CADM2: variants seen among roughly 807,000 people sequenced by gnomAD.
CADM2 encodes immunoglobulin superfamily member 4D.
Under a neutral mutation model 49.8 loss-of-function variants are expected in CADM2, and 12 were observed. The observed-to-expected ratio is 0.24, with a 90% CI of 0.15 to 0.39. CADM2 has a LOEUF of 0.39. Among genes scored for constraint, CADM2 ranks in the 10% least tolerant of loss-of-function variants. The probability of loss-of-function intolerance (pLI) is 1.00; values close to 1 mark genes in which losing one functional copy is unlikely to be tolerated. For synonymous variants in CADM2, 214 were observed against 175.4 expected, an observed-to-expected ratio of 1.22 and a Z score of -1.74; for missense variants, 378 against 492.3, an observed-to-expected ratio of 0.77 and a Z score of 2.20.
At chr3:85,411,267 A>G (rs2035644395) in intron 1 of CADM2, among the ~76,000 whole-genome samples, 1 of 152,206 alleles carries the variant, frequency 6.6e-6, no homozygotes, top group African/African-American at 2.4e-5. Context: ...ACACAGGACT[A>G]GAGAAAGATG....
chr3:86,000,909 A>G (rs1416321200), intron 8 of CADM2, among the ~76,000 whole-genome samples: 2 of 152,156 alleles, frequency 1.3e-5, no homozygotes, highest in Non-Finnish European at 2.9e-5. Flanking sequence ...AAATAGAAAC[A>G]TAGAATTCTG....
chr3:85,096,798 C>T (rs1290131899), intron 1 of CADM2, among the ~76,000 whole-genome samples: 1 of 152,076 alleles, frequency 6.6e-6, no homozygotes, highest in Non-Finnish European at 1.5e-5. Context: ...GTATACTAAT[C>T]CATGACTCTA....
intron 1 of CADM2, among the ~76,000 whole-genome samples, chr3:85,581,304 A>G (rs2062789120): frequency 6.6e-6 from 1 of 152,084 alleles, no homozygotes; most frequent in Non-Finnish European, 1.5e-5. Context: ...ATCTATTTTG[A>G]GGAAGAAGCT....
intron 1 of CADM2, among the ~76,000 whole-genome samples, chr3:85,575,664 A>G (rs1339028615): frequency 3.3e-5 from 5 of 152,246 alleles, no homozygotes; most frequent in Non-Finnish European, 7.3e-5. Context: ...ATTATAGAAC[A>G]TGGCTTAATG....
At chr3:86,065,762 G>A (rs1373545433) in intron 9 of CADM2, 32 bp downstream of exon 9, 1 of 1,606,136 alleles carries the variant, frequency 6.2e-7, no homozygotes, top group Admixed American at 1.7e-5. Context: ...TACACAATGT[G>A]GGCAAAATAT....
chr3:85,741,044 A>G (rs539303324), intron 2 of CADM2, among the ~76,000 whole-genome samples: 18 of 152,264 alleles, frequency 1.2e-4, no homozygotes, highest in African/African-American at 3.1e-4. Context: ...CTGAAGCATC[A>G]ATTTACTGAG....
At chr3:85,216,351 T>C (rs568700643) in intron 1 of CADM2, among the ~76,000 whole-genome samples, 90 of 147,626 alleles carry the variant, frequency 6.1e-4, no homozygotes, top group Non-Finnish European at 1.0e-3. Context: ...TATATTATTA[T>C]ATTAATAGTA....
At chr3:84,979,055 T>G (rs900449419) in intron 1 of CADM2, among the ~76,000 whole-genome samples, 30 of 151,864 alleles carry the variant, frequency 2.0e-4, no homozygotes, top group Non-Finnish European at 4.4e-4. Context: ...ACTCAGAGGG[T>G]GTTAGGCTTG....
intron 1 of CADM2, among the ~76,000 whole-genome samples, chr3:85,094,718 G>C (rs1466184911): frequency 6.6e-6 from 1 of 152,000 alleles, no homozygotes; most frequent in East Asian, 1.9e-4. Flanking sequence ...TTTCTTTTTG[G>C]GAATTATAAT....
In CADM2 at chr3:85,123,139, C is replaced by T. The variant is rs72905284; in HGVS notation, c.61+163471C>T. Among the ~76,000 whole-genome samples the T allele has an allele frequency of 5.9e-3, 905 of 152,110 alleles. 13 individuals are homozygous for T. Among genetic ancestry groups the T allele is most frequent in the African/African-American group, 0.02 (841 of 41,524 alleles). ...TTCCCATGCTGTTTTTCCTCCCATG[C>T]TTTTTTCTTTTCCTCCTAGAAAAAT... On this transcript the variant is annotated intron_variant, in intron 1 of 9. Transcript: ENST00000383699.
intron 8 of CADM2, among the ~76,000 whole-genome samples, chr3:85,975,986 G>C (rs968054024): frequency 6.6e-6 from 1 of 151,456 alleles, no homozygotes; most frequent in African/African-American, 2.4e-5. Flanking sequence ...CTCTGACACT[G>C]CCATGTCATA....
chr3:85,199,939 G>A lies in CADM2; in HGVS notation c.61+240271G>A, dbSNP rs77729543. The stretch of plus-strand genomic sequence containing the variant: ...TTACTGTATCTTATCTGTGAAATTC[G>A]TGGGCAGGTTATGCAGTTAAAACTG... On this transcript the variant is annotated intron_variant, in intron 1 of 9. Transcript: ENST00000383699. Among the ~76,000 whole-genome samples, 610 of 152,106 alleles carry A rather than the reference G, an allele frequency of 4.0e-3. 4 individuals are homozygous for A. Among genetic ancestry groups the A allele is most frequent in the African/African-American group, 0.014 (591 of 41,546 alleles).
At chr3:85,127,880 A>G (rs995641647) in intron 1 of CADM2, among the ~76,000 whole-genome samples, 3 of 152,174 alleles carry the variant, frequency 2.0e-5, no homozygotes, top group Non-Finnish European at 4.4e-5. Flanking sequence ...ATGTGATCAA[A>G]TACAATCTAC....
At chr3:85,435,702 G>A (rs2036895465) in intron 1 of CADM2, among the ~76,000 whole-genome samples, 1 of 151,902 alleles carries the variant, frequency 6.6e-6, no homozygotes, top group African/African-American at 2.4e-5. Flanking sequence ...TTCCAGTGAT[G>A]GCCATTCTAA....
intron 1 of CADM2, among the ~76,000 whole-genome samples, chr3:85,087,993 C>T (rs544059387): frequency 6.6e-6 from 1 of 152,236 alleles, no homozygotes; most frequent in Non-Finnish European, 1.5e-5. Flanking sequence ...CTTCTCTGCA[C>T]ACCATGGTGT....
chr3:85,404,028 G>A (rs1454038708), intron 1 of CADM2, among the ~76,000 whole-genome samples: 2 of 152,080 alleles, frequency 1.3e-5, no homozygotes, highest in African/African-American at 4.8e-5. Context: ...TATATTATAT[G>A]TAGATATATG....
intron 1 of CADM2, among the ~76,000 whole-genome samples, chr3:85,524,071 A>T (rs188470280): frequency 1.3e-4 from 20 of 152,150 alleles, no homozygotes; most frequent in Admixed American, 1.2e-3. Flanking sequence ...ATCCACAAGG[A>T]GCTCTACCTG....
intron 1 of CADM2, among the ~76,000 whole-genome samples, chr3:85,436,831 T>C (rs960069619): frequency 1.3e-5 from 2 of 152,328 alleles, no homozygotes; most frequent in South Asian, 2.1e-4. Context: ...TTTGTTAAAA[T>C]TGATGAACCT....
chr3:85,745,985 A>G (rs1309817252), intron 2 of CADM2, among the ~76,000 whole-genome samples: 1 of 152,184 alleles, frequency 6.6e-6, no homozygotes, highest in Non-Finnish European at 1.5e-5. Flanking sequence ...GAAAAGATCA[A>G]CAACACTTAT....
Sources: gnomAD v4.1 joint callset for allele counts (sites outside exome capture counted in the v4.1 genomes callset) on GRCh38, gnomAD v4.1.1 for gene constraint, MANE v1.5 for transcripts, NCBI Gene and HGNC (gene_info 2026-07-23, HGNC 2026-07-21) for gene names.